DOCK4: variants seen among roughly 807,000 people sequenced by gnomAD.
The protein encoded by DOCK4 is dedicator of cytokinesis 4.
In DOCK4, 97 loss-of-function variants were observed where a neutral mutation model predicts 268.1. That is an observed-to-expected ratio of 0.36 (90% CI 0.31 to 0.43). The LOEUF (loss-of-function observed/expected upper bound fraction) is 0.43, where lower values mean the gene tolerates loss of function less well. DOCK4 is among the 20% of genes least tolerant of loss of function. The pLI is 1.00. For synonymous variants in DOCK4, 954 were observed against 887.2 expected, an observed-to-expected ratio of 1.08 and a Z score of -1.34; for missense variants, 2,145 against 2,455.7, an observed-to-expected ratio of 0.87 and a Z score of 2.67.
chr7:112,103,178 T>C (rs899864409), intron 1 of DOCK4, among the ~76,000 whole-genome samples: 3 of 152,238 alleles, frequency 2.0e-5, no homozygotes, highest in Non-Finnish European at 4.4e-5. Flanking sequence ...TCACTGTTTA[T>C]CATTTTCTCA....
At chr7:111,948,988 C>T (rs745804342) in intron 8 of DOCK4, among the ~76,000 whole-genome samples, 2 of 151,684 alleles carry the variant, frequency 1.3e-5, no homozygotes, top group African/African-American at 2.4e-5. Flanking sequence ...GATTTAAGAA[C>T]TCAGCTTTAC....
chr7:111,942,809 G>A (rs1795315752), intron 10 of DOCK4, among the ~76,000 whole-genome samples: 1 of 152,142 alleles, frequency 6.6e-6, no homozygotes, highest in South Asian at 2.1e-4. Context: ...AGAGCAGTAG[G>A]GGCTACCTGC....
intron 8 of DOCK4, among the ~76,000 whole-genome samples, chr7:111,969,657 TA>T (rs2135052360): frequency 8.4e-6 from 1 of 119,120 alleles, no homozygotes; most frequent in African/African-American, 3.2e-5. Flanking sequence ...AAATGTGAAA[TA>T]AAAACCATTA....
At chr7:111,924,488 C>G (rs562274612) in intron 12 of DOCK4, among the ~76,000 whole-genome samples, 1 of 152,168 alleles carries the variant, frequency 6.6e-6, no homozygotes, top group Non-Finnish European at 1.5e-5. Flanking sequence ...ATTTTCATCA[C>G]GCTGAGCTGG....
rs747609995 is a variant in DOCK4 at position 111,732,236 on chromosome 7, G to A, written c.5471C>T (p.Ser1824Phe). The A allele has an allele frequency of 3.1e-6, 5 of 1,613,908 alleles. No individual in the cohort carries two copies. ...AAGAAGGGCCTTTACCTTCAATGGA[G>A]ATCGCCCGGCAGGCGAGGGGGATAC... ...TSVSPSPAGR[S>F]PLKGSVQSFT... Residue 1824 changes from serine (S) to phenylalanine (F), a missense_variant, in exon 52 of 53, where the codon TCT becomes TTT. Transcript: ENST00000428084.
At chr7:111,748,392 T>C (rs1796416817) in intron 42 of DOCK4, among the ~76,000 whole-genome samples, 1 of 152,046 alleles carries the variant, frequency 6.6e-6, no homozygotes, top group Non-Finnish European at 1.5e-5. Flanking sequence ...GTGTTCAGGG[T>C]ATATAAGGAT....
intron 23 of DOCK4, among the ~76,000 whole-genome samples, chr7:111,857,061 T>C (rs941296492): frequency 6.6e-6 from 1 of 152,156 alleles, no homozygotes; most frequent in African/African-American, 2.4e-5. Context: ...ATAAAAGAAA[T>C]GTAATCACTT....
At chr7:111,962,987 A>G (rs1190560853) in intron 8 of DOCK4, among the ~76,000 whole-genome samples, 2 of 152,198 alleles carry the variant, frequency 1.3e-5, no homozygotes. Flanking sequence ...ATGCCAGCTG[A>G]GTACCAACTG....
At chr7:111,799,891 T>C (rs984560372) in intron 30 of DOCK4, among the ~76,000 whole-genome samples, 7 of 152,210 alleles carry the variant, frequency 4.6e-5, no homozygotes, top group Non-Finnish European at 7.3e-5. Context: ...TTGTGGAAAC[T>C]GTTATCATCC....
intron 52 of DOCK4, 80 bp from the exon 53 acceptor site, chr7:111,728,800 G>A (rs1242680249): frequency 4.3e-6 from 6 of 1,388,216 alleles, no homozygotes; most frequent in Admixed American, 2.4e-5. Context: ...ACGCCCCGAC[G>A]CGGAGGCCCC....
At chr7:112,080,822 T>C (rs1442937308) in intron 1 of DOCK4, among the ~76,000 whole-genome samples, 1 of 152,200 alleles carries the variant, frequency 6.6e-6, no homozygotes, top group Non-Finnish European at 1.5e-5. Flanking sequence ...ACAGCCACTG[T>C]CACCTGAATG....
intron 32 of DOCK4, among the ~76,000 whole-genome samples, chr7:111,785,856 T>A (rs1799129042): frequency 6.6e-6 from 1 of 152,154 alleles, no homozygotes; most frequent in Non-Finnish European, 1.5e-5. Context: ...TTCTATGCAA[T>A]AGAAATTCCT....
chr7:111,770,678 A>G (rs1798075133), intron 36 of DOCK4, among the ~76,000 whole-genome samples: 1 of 152,220 alleles, frequency 6.6e-6, no homozygotes, highest in Admixed American at 6.5e-5. Flanking sequence ...ATAATAGCCT[A>G]CTCAATTACT....
At chr7:111,736,837 C>A (rs1795526267) in intron 50 of DOCK4, 80 bp downstream of exon 50, 3 of 1,298,580 alleles carry the variant, frequency 2.3e-6, no homozygotes, top group African/African-American at 1.5e-5. Flanking sequence ...GCTTTCCACA[C>A]AGACACACAG....
At position 112,037,729 on chromosome 7, in the gene DOCK4, T is replaced by C. The variant is rs146600400; in HGVS notation, c.38-33598A>G. 6.4e-4 allele frequency among the ~76,000 whole-genome samples: 98 copies of C among 152,338 alleles called. 1 individual carries two copies. Among genetic ancestry groups the C allele is most frequent in the African/African-American group, 2.3e-3 (95 of 41,586 alleles). ...CAAATCTGAACACTCTTGCACTTTT[T>C]TGTGGACATAGGTTTTCATTTCTTT... On this transcript the variant is annotated intron_variant, in intron 1 of 52. Coordinates refer to ENST00000428084, the MANE Select transcript of DOCK4 (RefSeq NM_001363540.2).
At chr7:112,066,690 C>CATATATAT (rs751631282) in intron 1 of DOCK4, among the ~76,000 whole-genome samples, 38 of 20,910 alleles carry the variant, frequency 1.8e-3, no homozygotes, top group Non-Finnish European at 2.3e-3. Flanking sequence ...TATACATATA[C>CATATATAT]ATATATATAT....
At chr7:111,922,615 T>G (rs1469642953) in intron 12 of DOCK4, among the ~76,000 whole-genome samples, 1 of 152,138 alleles carries the variant, frequency 6.6e-6, no homozygotes, top group Non-Finnish European at 1.5e-5. Context: ...GGAGTCTTAC[T>G]CTGTCGCCCA....
intron 1 of DOCK4, among the ~76,000 whole-genome samples, chr7:112,133,724 A>G (rs1814035782): frequency 6.6e-6 from 1 of 152,206 alleles, no homozygotes; most frequent in Admixed American, 6.5e-5. Context: ...TGTCTCAAAA[A>G]AAATACGTAA....
chr7:111,929,074 A>G (rs546834449), intron 12 of DOCK4, among the ~76,000 whole-genome samples: 1 of 152,176 alleles, frequency 6.6e-6, no homozygotes, highest in Non-Finnish European at 1.5e-5. Context: ...GTTCTCAGGC[A>G]GCTCAGGAAA....
Sources: gnomAD v4.1 joint callset for allele counts (sites outside exome capture counted in the v4.1 genomes callset) on GRCh38, gnomAD v4.1.1 for gene constraint, MANE v1.5 for transcripts, NCBI Gene and HGNC (gene_info 2026-07-23, HGNC 2026-07-21) for gene names.